Variants in UNC79 observed in about 807,000 individuals in gnomAD.
UNC79 encodes the protein unc-79 subunit of NALCN channel complex, also known as protein unc-79 homolog.
UNC79 carries 37 observed loss-of-function variants against 283.1 expected under a neutral mutation model. The ratio of observed to expected loss-of-function variants is 0.13; its 90% confidence interval spans 0.10 to 0.17. The LOEUF is 0.17. UNC79 is among the 10% of genes least tolerant of loss of function. The pLI, the probability that UNC79 is intolerant of heterozygous loss-of-function variation, is 1.00. For missense variants in UNC79, 2,272 were observed against 3,211.1 expected (o/e 0.71, Z 7.07); for synonymous variants, 1,107 against 1,200.2 (o/e 0.92, Z 1.61).
chr14:93,392,165 T>C (rs1253500110), intron 1 of UNC79, among the ~76,000 whole-genome samples: 1 of 152,210 alleles, frequency 6.6e-6, no homozygotes, highest in Non-Finnish European at 1.5e-5. Flanking sequence ...TAATTTCAAA[T>C]TGAACTAACT....
At chr14:93,637,254 A>G (rs1566829914) in exon 32 of UNC79, 1 of 1,570,342 alleles carries the variant, frequency 6.4e-7, no homozygotes, top group Admixed American at 1.7e-5. Context: ...TAACGTGCCA[A>G]CGTGCCTAAA....
chr14:93,393,926 T>C (rs1408369909), intron 1 of UNC79, among the ~76,000 whole-genome samples: 1 of 152,174 alleles, frequency 6.6e-6, no homozygotes, highest in Non-Finnish European at 1.5e-5. Context: ...ATTACTCTTA[T>C]GATTATAATT....
rs111421450 is a variant in UNC79, at chr14:93,571,321, C to T, written c.1756-573C>T. Among the ~76,000 whole-genome samples the T allele has an allele frequency of 6.9e-3, 1,043 of 152,224 alleles. 12 individuals are homozygous for T. The highest frequency in any genetic ancestry group is 0.024 in the African/African-American group (980 of 41,526). ...TTTCCTGCTCTTAAAAATTGATATACTATCTTAATTAGTTTAAAAAGCCAG... is the reference window on the plus strand; with the variant it reads ...TTTCCTGCTCTTAAAAATTGATATATTATCTTAATTAGTTTAAAAAGCCAG... On this transcript the variant is annotated intron_variant, in intron 14 of 48. Transcript: ENST00000555664.
intron 5 of UNC79, among the ~76,000 whole-genome samples, chr14:93,492,960 C>T (rs2058806183): frequency 6.6e-6 from 1 of 152,070 alleles, no homozygotes; most frequent in South Asian, 2.1e-4. Context: ...CTGACCCCAT[C>T]CTCATCTCAG....
chr14:93,597,676 A>T, intron 24 of UNC79, 136 bp downstream of exon 24: 1 of 1,033,674 alleles, frequency 9.7e-7, no homozygotes, highest in Non-Finnish European at 1.4e-6. Context: ...TATAAACAAC[A>T]GAAATTTATT....
chr14:93,628,706 G>T (rs896694202), intron 30 of UNC79, among the ~76,000 whole-genome samples: 1 of 152,068 alleles, frequency 6.6e-6, no homozygotes, highest in African/African-American at 2.4e-5. Context: ...TATAAAAATT[G>T]AATACAAATA....
At chr14:93,706,257 C>G (rs2075872663) in intron 48 of UNC79, among the ~76,000 whole-genome samples, 1 of 152,090 alleles carries the variant, frequency 6.6e-6, no homozygotes, top group African/African-American at 2.4e-5. Flanking sequence ...GTGTCACTAT[C>G]CCCCCTTTAC....
chr14:93,388,193 C>T (rs2054816325), intron 1 of UNC79, among the ~76,000 whole-genome samples: 1 of 152,016 alleles, frequency 6.6e-6, no homozygotes, highest in African/African-American at 2.4e-5. Context: ...CTCATTACAG[C>T]CTGGAACTCT....
intron 1 of UNC79, among the ~76,000 whole-genome samples, chr14:93,336,669 C>T (rs1566875880): frequency 1.3e-5 from 2 of 152,052 alleles, no homozygotes; most frequent in Non-Finnish European, 2.9e-5. Flanking sequence ...ACAAATAATA[C>T]AATTAATAAA....
Position 93,491,576 on chromosome 14 carries a change from C to A in UNC79, c.712+3821C>A, listed in dbSNP as rs539415629. Reference sequence around the variant, plus strand: ...GAGCAAGTTTTTTACCCCCTGAAACCAAGTGTCCTCATCTATAAAATGGAA... The same window carrying A: ...GAGCAAGTTTTTTACCCCCTGAAACAAAGTGTCCTCATCTATAAAATGGAA... On this transcript the variant is annotated intron_variant, in intron 5 of 48. Coordinates refer to ENST00000555664, the Ensembl canonical transcript of UNC79. Among the ~76,000 whole-genome samples, 100 of 152,196 alleles carry A rather than the reference C, an allele frequency of 6.6e-4. 2 individuals are homozygous for A. The highest frequency in any genetic ancestry group is 9.1e-4 in the Non-Finnish European group (62 of 68,008).
intron 1 of UNC79, among the ~76,000 whole-genome samples, chr14:93,368,655 C>T (rs1050730402): frequency 3.3e-5 from 5 of 151,884 alleles, no homozygotes; most frequent in African/African-American, 7.3e-5. Context: ...TATTTTTAGT[C>T]GAGACAGGGT....
At chr14:93,375,957 G>C (rs61156249) in intron 1 of UNC79, among the ~76,000 whole-genome samples, 13,127 of 151,990 alleles carry the variant, frequency 0.086, 623 homozygotes, top group African/African-American at 0.12. Context: ...GAGCTAGCAT[G>C]TTAGGCCCTT....
At chr14:93,573,874 G>A (rs368709711) in intron 16 of UNC79, among the ~76,000 whole-genome samples, 179 of 152,228 alleles carry the variant, frequency 1.2e-3, no homozygotes, top group Non-Finnish European at 2.3e-3. Context: ...TCGTGGTGAC[G>A]CACGCCTGTA....
At chr14:93,677,068 T>G (rs1250271432) in intron 41 of UNC79, among the ~76,000 whole-genome samples, 1 of 152,214 alleles carries the variant, frequency 6.6e-6, no homozygotes, top group Non-Finnish European at 1.5e-5. Flanking sequence ...GGTTTGTTCC[T>G]GGGTTTCAGC....
intron 22 of UNC79, among the ~76,000 whole-genome samples, chr14:93,588,044 C>T (rs565011174): frequency 6.6e-5 from 10 of 152,264 alleles, no homozygotes; most frequent in African/African-American, 2.2e-4. Flanking sequence ...CAGAAATAAG[C>T]AGGGCATACT....
intron 4 of UNC79, among the ~76,000 whole-genome samples, chr14:93,485,807 A>C (rs1325269548): frequency 1.3e-5 from 2 of 152,224 alleles, no homozygotes. Context: ...AATAAAAGCC[A>C]ACTTAAGTAA....
At chr14:93,341,400 T>C (rs757597939) in intron 1 of UNC79, among the ~76,000 whole-genome samples, 1 of 151,942 alleles carries the variant, frequency 6.6e-6, no homozygotes, top group African/African-American at 2.4e-5. Flanking sequence ...GAGGTTGTAG[T>C]GAGCTGAGAT....
At chr14:93,438,830 G>A (rs1444788543) in intron 1 of UNC79, among the ~76,000 whole-genome samples, 2 of 151,898 alleles carry the variant, frequency 1.3e-5, no homozygotes, top group Admixed American at 6.6e-5. Flanking sequence ...ACATCTTTCT[G>A]ATATTGAATC....
chr14:93,669,333 C>A (rs959491938), intron 40 of UNC79, among the ~76,000 whole-genome samples: 1 of 152,076 alleles, frequency 6.6e-6, no homozygotes, highest in Non-Finnish European at 1.5e-5. Context: ...TCAGGAAGAG[C>A]CCAGATATTC....
Sources: gnomAD v4.1 joint callset for allele counts (sites outside exome capture counted in the v4.1 genomes callset) on GRCh38, gnomAD v4.1.1 for gene constraint, MANE v1.5 for transcripts, NCBI Gene and HGNC (gene_info 2026-07-23, HGNC 2026-07-21) for gene names.